TALDO1: variants seen among roughly 807,000 people sequenced by gnomAD.
TALDO1 encodes the protein transaldolase.
A neutral mutation model predicts 38.1 loss-of-function variants in TALDO1; 29 were observed. That is an observed-to-expected ratio of 0.76 (90% CI 0.57 to 1.04). The LOEUF (loss-of-function observed/expected upper bound fraction) is 1.04. TALDO1 is among the 50% of genes least tolerant of loss of function. The pLI, the probability that TALDO1 is intolerant of heterozygous loss-of-function variation, is 0.00. For missense variants in TALDO1, 499 were observed against 438.1 expected (o/e 1.14, Z -1.24); for synonymous variants, 207 against 176.8 (o/e 1.17, Z -1.36).
At chr11:764,110 C>T in intron 6 of TALDO1, 166 bp downstream of exon 6, 1 of 1,362,844 alleles carries the variant, frequency 7.3e-7, no homozygotes, top group Non-Finnish European at 1.0e-6. Context: ...ACACATCTCA[C>T]TCAAGTCATC....
At chr11:763,079 C>T (rs998006573) in intron 4 of TALDO1, among the ~76,000 whole-genome samples, 2 of 150,012 alleles carry the variant, frequency 1.3e-5, no homozygotes, top group African/African-American at 2.5e-5. Context: ...CGAGTCTTAC[C>T]GATTTGTTCT....
intron 4 of TALDO1, among the ~76,000 whole-genome samples, chr11:761,272 G>T (rs1042394031): frequency 6.7e-6 from 1 of 149,340 alleles, no homozygotes; most frequent in Non-Finnish European, 1.5e-5. Context: ...GGAGGTGGAC[G>T]TTGCAGTGAG....
chr11:764,138 C>A, intron 6 of TALDO1, 150 bp from the exon 7 acceptor site: 2 of 1,465,684 alleles, frequency 1.4e-6, no homozygotes, highest in Non-Finnish European at 9.4e-7. Context: ...GCTCTGTGGG[C>A]TGAACCCCAC....
chr11:757,744 C>G (rs1773414159), intron 2 of TALDO1, among the ~76,000 whole-genome samples: 1 of 152,144 alleles, frequency 6.6e-6, no homozygotes, highest in Admixed American at 6.5e-5. Context: ...TAATATTTTG[C>G]AAGTGCCAAA....
At chr11:759,387 A>C (rs1862894316) in intron 3 of TALDO1, among the ~76,000 whole-genome samples, 1 of 152,088 alleles carries the variant, frequency 6.6e-6, no homozygotes, top group African/African-American at 2.4e-5. Context: ...CAGCCTCCCA[A>C]GTAGCTGAGA....
intron 1 of TALDO1, 75 bp from the exon 2 acceptor site, chr11:755,804 A>G (rs1862825805): frequency 6.2e-7 from 1 of 1,610,666 alleles, no homozygotes. Context: ...CTGGGGAATT[A>G]CAGGGTTCCT....
chr11:759,736 T>C (rs1276690553), intron 3 of TALDO1, among the ~76,000 whole-genome samples: 1 of 152,110 alleles, frequency 6.6e-6, no homozygotes, highest in Non-Finnish European at 1.5e-5. Context: ...CCCGCCACCA[T>C]ACCCAGCTAA....
At chr11:756,178 C>T (rs1862835680) in intron 2 of TALDO1, 176 bp downstream of exon 2, 1 of 894,984 alleles carries the variant, frequency 1.1e-6, no homozygotes, top group Admixed American at 2.8e-5. Context: ...AAGTAACCTG[C>T]ACCTGTGGTA....
intron 1 of TALDO1, among the ~76,000 whole-genome samples, chr11:751,688 G>C (rs1029817109): frequency 4.6e-5 from 7 of 152,100 alleles, no homozygotes; most frequent in Non-Finnish European, 2.9e-5. Context: ...CCAGCTACTC[G>C]AGAGGCTGAG....
At chr11:760,895 C>T (rs552737772) in intron 4 of TALDO1, 32 of 156,782 alleles carry the variant, frequency 2.0e-4, no homozygotes, top group Admixed American at 3.1e-4. Flanking sequence ...ATTAGCCGGG[C>T]ATGGTGGCAC....
intron 2 of TALDO1, among the ~76,000 whole-genome samples, chr11:758,207 C>T (rs1413139138): frequency 3.9e-5 from 6 of 152,260 alleles, no homozygotes; most frequent in South Asian, 2.1e-4. Flanking sequence ...TGGCGTGAAC[C>T]GCGGGGGGCA....
chr11:748,454 T>C (rs1420979350), intron 1 of TALDO1, among the ~76,000 whole-genome samples: 1 of 152,242 alleles, frequency 6.6e-6, no homozygotes, highest in Non-Finnish European at 1.5e-5. Context: ...TCTTCTGTCC[T>C]CTGCAGTGCA....
intron 3 of TALDO1, among the ~76,000 whole-genome samples, chr11:759,566 GTTTT>G (rs1862897015): frequency 6.6e-6 from 1 of 151,592 alleles, no homozygotes; most frequent in South Asian, 2.1e-4. Context: ...GGCTGCTAGT[GTTTT>G]TTGTTTTGAT....
Position 764,443 on chromosome 11 carries a change from G to C in TALDO1, c.981+10G>C. On this transcript the variant is annotated intron_variant, in intron 7 of 7. Transcript: ENST00000319006. ...GGAGCGGATGCTGACAGTGAGTGTTGTGTGTGGGTACCTACATATGCCAAG... is the reference window on the plus strand; with the variant it reads ...GGAGCGGATGCTGACAGTGAGTGTTCTGTGTGGGTACCTACATATGCCAAG... 7 of 1,609,240 alleles carry C rather than the reference G, an allele frequency of 4.3e-6. No homozygotes were observed. The highest frequency in any genetic ancestry group is 5.9e-6 in the Non-Finnish European group (7 of 1,176,830).
At position 763,877 on chromosome 11, in the gene TALDO1, A is replaced by G. The variant is rs755065740; in HGVS notation, c.768A>G (p.Ser256=). The change falls in exon 6 of 8, where the codon TCA becomes TCG. Residue 256 remains serine, a synonymous_variant. Transcript: ENST00000319006. ...ALAGCDFLTI[S]PKLLGELLQD... ...CCGGCTGTGACTTCCTCACCATCTC[A>G]CCCAAGCTCCTGGGAGAGCTGCTGC... 2.5e-6 allele frequency: 4 copies of G among 1,613,366 alleles called. No homozygotes were observed. In the African/African-American group the frequency reaches 4.0e-5, roughly 16 times the overall value.
intron 7 of TALDO1, 98 bp from the exon 8 acceptor site, chr11:764,715 C>T (rs1863019339): frequency 6.3e-7 from 1 of 1,587,282 alleles, no homozygotes; most frequent in Non-Finnish European, 8.6e-7. Context: ...GAGTGCAGAC[C>T]CCACAAGGGC....
At chr11:762,828 C>T (rs780815150) in intron 4 of TALDO1, among the ~76,000 whole-genome samples, 2 of 152,246 alleles carry the variant, frequency 1.3e-5, no homozygotes, top group South Asian at 2.1e-4. Flanking sequence ...CAGGGTGCTA[C>T]GGGCCTGCTG....
intron 7 of TALDO1, 77 bp downstream of exon 7, chr11:764,510 G>C: frequency 6.4e-7 from 1 of 1,571,278 alleles, no homozygotes; most frequent in East Asian, 2.4e-5. Context: ...TTCAAGCTGG[G>C]CAGAGTTAAA....
At chr11:759,089 T>C (rs1590070044) in intron 3 of TALDO1, 32 bp downstream of exon 3, 1 of 1,575,798 alleles carries the variant, frequency 6.3e-7, no homozygotes, top group South Asian at 1.1e-5. Flanking sequence ...CTGGATGGGC[T>C]GGTCAGGTGT....
Sources: gnomAD v4.1 joint callset for allele counts (sites outside exome capture counted in the v4.1 genomes callset) on GRCh38, gnomAD v4.1.1 for gene constraint, MANE v1.5 for transcripts, NCBI Gene and HGNC (gene_info 2026-07-23, HGNC 2026-07-21) for gene names.